The following ANO2 variants were observed in gnomAD, a reference collection of about 807,000 sequenced individuals.
ANO2 encodes anoctamin 2.
ANO2 carries 101 observed loss-of-function variants against 124.2 expected under a neutral mutation model. The observed-to-expected ratio is 0.81, with a 90% CI of 0.69 to 0.96. ANO2 has a LOEUF of 0.96. Ranked by LOEUF, ANO2 falls within the 40% of genes least tolerant of loss-of-function variation. The pLI, the probability that ANO2 is intolerant of heterozygous loss-of-function variation, is 0.00. For synonymous variants in ANO2, 486 were observed against 482.5 expected (o/e 1.01, Z -0.09); for missense variants, 1,293 against 1,274.5 (o/e 1.01, Z -0.22).
intron 14 of ANO2, among the ~76,000 whole-genome samples, chr12:5,680,997 A>C (rs1356709065): frequency 1.3e-5 from 2 of 152,196 alleles, no homozygotes; most frequent in East Asian, 3.9e-4. Context: ...AAAGCGAGAC[A>C]AAAGCAGAAT....
intron 3 of ANO2, among the ~76,000 whole-genome samples, chr12:5,894,705 A>C (rs182421966): frequency 1.9e-3 from 296 of 152,348 alleles, no homozygotes; most frequent in Admixed American, 2.9e-3. Flanking sequence ...AGTTTTCTGC[A>C]TATGGCTAGC....
rs531574194 is a variant in ANO2 at position 5,770,555 on chromosome 12, C to T, written c.1056-19585G>A. 7.9e-5 allele frequency among the ~76,000 whole-genome samples: 12 copies of T among 152,164 alleles called. No individual in the cohort carries two copies. The East Asian group carries it at 2.3e-3, about 29-fold the overall frequency. On this transcript the variant is annotated intron_variant, in intron 10 of 24. Transcript: ENST00000682330. ...TCCACTTCCAATTCATCAGTAAATC[C>T]TATAGACGCTACTTTCAAAAATACA...
intron 3 of ANO2, among the ~76,000 whole-genome samples, chr12:5,883,546 G>A (rs541100545): frequency 3.1e-4 from 43 of 139,974 alleles, no homozygotes; most frequent in Non-Finnish European, 5.7e-4. Flanking sequence ...TGTGTGTGGT[G>A]TCTGCCCAGC....
chr12:5,868,541 TAATA>T (rs1420484649), intron 3 of ANO2, among the ~76,000 whole-genome samples: 14 of 152,252 alleles, frequency 9.2e-5, no homozygotes, highest in African/African-American at 3.4e-4. Context: ...TCAATGCTAA[TAATA>T]ATTAGATTCT....
At chr12:5,855,382 C>T (rs1235014805) in intron 3 of ANO2, among the ~76,000 whole-genome samples, 1 of 152,218 alleles carries the variant, frequency 6.6e-6, no homozygotes, top group African/African-American at 2.4e-5. Flanking sequence ...TTTTATGGCA[C>T]TTATTAATGC....
rs201987081 is a variant in ANO2, at chr12:5,563,390, C to T, written c.2906G>A (p.Arg969Gln). The T allele has an allele frequency of 6.8e-6, 11 of 1,607,542 alleles. No individual in the cohort carries two copies. In the Admixed American group the frequency reaches 1.0e-4, roughly 15 times the overall value. The change falls in exon 25 of 25, where the codon CGA (arginine) becomes CAA (glutamine). Residue 969 changes from arginine (R) to glutamine (Q), a missense_variant. By Grantham distance (43) the Arg-to-Gln change is conservative. Transcript: ENST00000682330. ...PALRSPGGGD[R>Q]SRSRAASSAP... is the part of the protein sequence containing the mutation. ...TGAGCTGGCTGCCCGGCTCCTGCTT[C>T]GATCCCCACCTCCTGGGCTCCTCAG...
intron 1 of ANO2, among the ~76,000 whole-genome samples, chr12:5,934,472 A>T (rs1333136102): frequency 6.6e-5 from 10 of 152,232 alleles, no homozygotes; most frequent in Non-Finnish European, 1.0e-4. Context: ...TCTTATTGAG[A>T]ATGTAATCGA....
intron 14 of ANO2, among the ~76,000 whole-genome samples, chr12:5,716,600 G>A (rs1950034936): frequency 6.6e-6 from 1 of 152,140 alleles, no homozygotes; most frequent in South Asian, 2.1e-4. Flanking sequence ...CAAATTTCCT[G>A]CCACAAATTC....
intron 10 of ANO2, among the ~76,000 whole-genome samples, chr12:5,780,021 G>A (rs1952340404): frequency 6.6e-6 from 1 of 152,144 alleles, no homozygotes; most frequent in Admixed American, 6.5e-5. Context: ...ATAGGTAATG[G>A]TATTGTATCA....
chr12:5,571,002 A>G (rs895756236), intron 23 of ANO2, among the ~76,000 whole-genome samples: 4 of 152,186 alleles, frequency 2.6e-5, no homozygotes, highest in Non-Finnish European at 5.9e-5. Flanking sequence ...GATGGGAGGC[A>G]GCCATGGGCT....
chr12:5,812,712 A>AG (rs1555168037), intron 7 of ANO2, among the ~76,000 whole-genome samples: 71 of 101,128 alleles, frequency 7.0e-4, no homozygotes, highest in Non-Finnish European at 8.8e-4. Context: ...GAAAAGAAGA[A>AG]GAAGGAAGGG....
At chr12:5,659,112 GCTCT>G (rs1273710770) in intron 14 of ANO2, among the ~76,000 whole-genome samples, 1 of 151,840 alleles carries the variant, frequency 6.6e-6, no homozygotes, top group African/African-American at 2.4e-5. Flanking sequence ...GCTGCTCGAT[GCTCT>G]CTCTCTCTGC....
At chr12:5,583,243 A>T (rs556395416) in intron 20 of ANO2, among the ~76,000 whole-genome samples, 1 of 152,334 alleles carries the variant, frequency 6.6e-6, no homozygotes, top group African/African-American at 2.4e-5. Context: ...AAGTATGAAC[A>T]CCTCTACATC....
At chr12:5,676,591 G>A (rs1473687970) in intron 14 of ANO2, among the ~76,000 whole-genome samples, 1 of 152,050 alleles carries the variant, frequency 6.6e-6, no homozygotes, top group Non-Finnish European at 1.5e-5. Context: ...AAGAACTTAT[G>A]TGAGTTTCCA....
At chr12:5,768,702 G>A (rs75805876) in intron 10 of ANO2, among the ~76,000 whole-genome samples, 9,792 of 152,150 alleles carry the variant, frequency 0.064, 427 homozygotes, top group African/African-American at 0.12. Flanking sequence ...ATGCCTGTAC[G>A]GTAGGTCTCC....
chr12:5,677,882 G>A (rs1948321435), intron 14 of ANO2, among the ~76,000 whole-genome samples: 1 of 152,156 alleles, frequency 6.6e-6, no homozygotes, highest in African/African-American at 2.4e-5. Flanking sequence ...TTCTCCCATA[G>A]GCCACATCCT....
intron 3 of ANO2, among the ~76,000 whole-genome samples, chr12:5,901,258 A>T (rs1235502336): frequency 6.6e-6 from 1 of 152,228 alleles, no homozygotes; most frequent in Non-Finnish European, 1.5e-5. Context: ...AACAGGAAGC[A>T]GCCAGACAGC....
At chr12:5,680,777 C>T (rs552942553) in intron 14 of ANO2, among the ~76,000 whole-genome samples, 7 of 152,152 alleles carry the variant, frequency 4.6e-5, no homozygotes, top group Non-Finnish European at 8.8e-5. Context: ...ATGAAAGAAA[C>T]GATCCCAGGG....
Position 5,756,655 on chromosome 12 carries a change from G to A in ANO2, c.1056-5685C>T, listed in dbSNP as rs151021421. 1.2e-4 allele frequency among the ~76,000 whole-genome samples: 19 copies of A among 152,374 alleles called. No homozygotes were observed. In the East Asian group the frequency reaches 2.7e-3, roughly 22 times the overall value. On this transcript the variant is annotated intron_variant, in intron 10 of 24. Transcript: ENST00000682330. ...GTGGGTGGGCCTGTTGCCAGAGTCT[G>A]TGGGTGGGCTGGCCTGCTGCTGGGT...
Sources: allele counts gnomAD v4.1 joint callset (sites outside exome capture counted in the v4.1 genomes callset), GRCh38; gene constraint gnomAD v4.1.1; transcripts MANE v1.5; gene names NCBI Gene and HGNC (gene_info 2026-07-23, HGNC 2026-07-21).